Variants in PCDHGB4 observed in about 807,000 individuals in gnomAD.
PCDHGB4 encodes the protein protocadherin gamma subfamily B, 4.
PCDHGB4 carries 38 observed loss-of-function variants against 60.5 expected under a neutral mutation model. The ratio of observed to expected loss-of-function variants is 0.63; its 90% CI spans 0.48 to 0.82. The LOEUF is 0.82. Among genes scored for constraint, PCDHGB4 ranks in the 40% least tolerant of loss-of-function variants. PCDHGB4 has a pLI of 0.00. For synonymous variants in PCDHGB4, 456 were observed against 509.7 expected (o/e 0.89, Z 1.42); for missense variants, 1,109 against 1,209.6 (o/e 0.92, Z 1.23).
intron 1 of PCDHGB4, among the ~76,000 whole-genome samples, chr5:141,453,823 G>A (rs2154564414): frequency 6.6e-6 from 1 of 152,250 alleles, no homozygotes; most frequent in South Asian, 2.1e-4. Flanking sequence ...GACAAACTTG[G>A]CTGCTAGCCC....
rs776004958 is a variant in PCDHGB4 at position 141,410,344 on chromosome 5, C to T, written c.2397+20063C>T. 6 of 1,614,006 alleles carry T rather than the reference C, an allele frequency of 3.7e-6. No individual in the cohort carries two copies. In the South Asian group the frequency reaches 6.6e-5, roughly 18 times the overall value. On this transcript the variant is annotated intron_variant, in intron 1 of 3. Transcript: ENST00000519479. ...CCGTGATTCTGGCCATTGCCTTGCG[C>T]CTGCGACGCTCTCTCAGCCCTGCTA...
intron 1 of PCDHGB4, among the ~76,000 whole-genome samples, chr5:141,443,122 A>C (rs1239492679): frequency 6.6e-6 from 1 of 152,138 alleles, no homozygotes; most frequent in East Asian, 1.9e-4. Flanking sequence ...TTCAAACCAG[A>C]TTAAGAACAC....
chr5:141,479,731 G>C (rs1176632022), intron 1 of PCDHGB4: 1 of 152,216 alleles, frequency 6.6e-6, no homozygotes, highest in East Asian at 1.9e-4. Context: ...TTTTTCTTAA[G>C]TATATGCACA....
Position 141,486,552 on chromosome 5 carries a change from A to G in PCDHGB4, c.2398-8255A>G. On this transcript the variant is annotated intron_variant, in intron 1 of 3. Coordinates refer to ENST00000519479, the MANE Select transcript of PCDHGB4 (RefSeq NM_003736.4). This position sits in a 1 kb window ranked among gnomAD's most constrained non-coding sequence, Gnocchi z 5.0. ...CCACCCTCTTTCTTTCAGAGGTCAC[A>G]TGAGGTGTTTGTTCCTGAGAACAAT... is the stretch of plus-strand genomic sequence containing the variant. 1 of 1,614,136 alleles carries G rather than the reference A, an allele frequency of 6.2e-7. No homozygotes were observed. The highest frequency in any genetic ancestry group is 2.2e-5 in the East Asian group (1 of 44,882).
At chr5:141,444,774 AT>A (rs2098446962) in intron 1 of PCDHGB4, among the ~76,000 whole-genome samples, 1 of 152,018 alleles carries the variant, frequency 6.6e-6, no homozygotes, top group Non-Finnish European at 1.5e-5. Context: ...TATATTCTTG[AT>A]CATGTTTCAT....
chr5:141,404,029 C>T (rs1363448), intron 1 of PCDHGB4: 736,203 of 1,612,620 alleles, frequency 0.46, 175,243 homozygotes, highest in African/African-American at 0.8. Flanking sequence ...TGAGAGAAGA[C>T]GCACCTCAGG....
intron 1 of PCDHGB4, chr5:141,410,715 G>A: frequency 1.4e-6 from 2 of 1,422,782 alleles, no homozygotes; most frequent in Non-Finnish European, 1.9e-6. Context: ...AGAATCATAT[G>A]TTTAAAATCC....
chr5:141,398,813 G>A (rs779872602), intron 1 of PCDHGB4: 11 of 1,613,838 alleles, frequency 6.8e-6, no homozygotes, highest in Admixed American at 3.3e-5. Flanking sequence ...ACTGAGCTCC[G>A]GATCCAGGTA....
chr5:141,503,598 CAAAAAAAAAA>C (rs765754054), intron 2 of PCDHGB4, among the ~76,000 whole-genome samples: 1 of 65,762 alleles, frequency 1.5e-5, no homozygotes. Context: ...GACTCCAGCT[CAAAAAAAAAA>C]AAAAAAGAAA....
rs1403789987 is a variant in PCDHGB4 at position 141,511,845 on chromosome 5, T to C, written c.*672T>C. The C allele has an allele frequency of 6.4e-6, 1 of 156,740 alleles. No individual in the cohort carries two copies. The highest frequency in any genetic ancestry group is 1.4e-5 in the Non-Finnish European group (1 of 70,694). 9.7% of individuals were successfully genotyped at this position (156,740 alleles called of 1,614,324 possible). A position where few individuals can be genotyped will look rare whatever the true frequency, so the allele number is the denominator to read the frequency against. On this transcript the variant is annotated 3_prime_UTR_variant, in exon 4 of 4. Transcript: ENST00000519479. ...AACGCCCTGGGGACCAGTCTTCTGT[T>C]TTGTTTTTCATTGTTTGACGTTTCC...
Position 141,491,547 on chromosome 5 carries a change from G to A in PCDHGB4, c.2398-3260G>A. On this transcript the variant is annotated intron_variant, in intron 1 of 3. Transcript: ENST00000519479. This position sits in a 1 kb window ranked among gnomAD's most constrained non-coding sequence, Gnocchi z 6.9. ...AGGTGACGCTGCGGCCCACAGACTC[G>A]CAGAGCCACTGCTACAGGACGTGCT... is the stretch of plus-strand genomic sequence containing the variant. The A allele has an allele frequency of 4.3e-6, 7 of 1,613,974 alleles. No individual in the cohort carries two copies. The highest frequency in any genetic ancestry group is 5.9e-6 in the Non-Finnish European group (7 of 1,180,022).
chr5:141,475,921 A>T, intron 1 of PCDHGB4: 1 of 604,938 alleles, frequency 1.7e-6, no homozygotes, highest in Non-Finnish European at 2.8e-6. Flanking sequence ...AAGACGCTGG[A>T]GATCGGGCCC....
chr5:141,395,589 T>C (rs1254958503), intron 1 of PCDHGB4: 2 of 194,644 alleles, frequency 1.0e-5, no homozygotes, highest in Admixed American at 1.2e-4. Context: ...TGTGTGTGTG[T>C]GTATCCCAAA....
rs902072815 is a variant in PCDHGB4, at chr5:141,495,024, C to A, written c.2456+159C>A. On this transcript the variant is annotated intron_variant, in intron 2 of 3. Coordinates refer to ENST00000519479, the MANE Select transcript of PCDHGB4 (RefSeq NM_003736.4). ...GGTGTGCGGGGGGCTGGCACACAGACCCCGGAAGGAAGAGGCGACTGCCCT... is the reference window on the plus strand; with the variant it reads ...GGTGTGCGGGGGGCTGGCACACAGAACCCGGAAGGAAGAGGCGACTGCCCT... The A allele has an allele frequency of 1.6e-5, 16 of 973,368 alleles. No homozygotes were observed. In the South Asian group the frequency reaches 5.7e-4, roughly 35 times the overall value. The allele number at this position is 973,368 out of a possible 1,614,324, so 60.3% of individuals were successfully genotyped here. A position where few individuals can be genotyped will look rare whatever the true frequency, so the allele number is the denominator to read the frequency against.
chr5:141,417,969 T>G, intron 1 of PCDHGB4: 1 of 1,613,768 alleles, frequency 6.2e-7, no homozygotes, highest in Non-Finnish European at 8.5e-7. Flanking sequence ...CGCTACTCGA[T>G]TCCGGAGGAG....
Position 141,489,515 on chromosome 5 carries a change from G to C in PCDHGB4, c.2398-5292G>C, listed in dbSNP as rs983415025. On this transcript the variant is annotated intron_variant, in intron 1 of 3. Coordinates refer to ENST00000519479, the MANE Select transcript of PCDHGB4 (RefSeq NM_003736.4). The surrounding 1 kb of genome is among the most constrained non-coding windows in gnomAD (Gnocchi z 4.5). ...CTGGCAGTGAATCAAAAGATTGACC[G>C]AGAAAGCCTATGTGGAGCCAGCACC... 1 of 1,614,104 alleles carries C rather than the reference G, an allele frequency of 6.2e-7. No individual in the cohort carries two copies. The highest frequency in any genetic ancestry group is 8.5e-7 in the Non-Finnish European group (1 of 1,180,034).
intron 1 of PCDHGB4, chr5:141,399,082 G>A: frequency 6.2e-7 from 1 of 1,613,822 alleles, no homozygotes; most frequent in East Asian, 2.2e-5. Flanking sequence ...AGAAGGGAGG[G>A]ATGGTGGTGG....
chr5:141,500,184 T>TTTTATTTA (rs58019021), intron 2 of PCDHGB4, among the ~76,000 whole-genome samples: 1,392 of 135,954 alleles, frequency 0.01, 12 homozygotes, highest in South Asian at 0.02. Flanking sequence ...TCATTTTTAT[T>TTTTATTTA]TTTATTTATT....
intron 1 of PCDHGB4, among the ~76,000 whole-genome samples, chr5:141,454,831 A>C (rs1489772379): frequency 1.3e-5 from 1 of 78,366 alleles, no homozygotes; most frequent in African/African-American, 6.7e-5. Context: ...TTTTTGAGAC[A>C]GAGTCGCGCT....
Sources: allele counts gnomAD v4.1 joint callset (sites outside exome capture counted in the v4.1 genomes callset), GRCh38; gene constraint gnomAD v4.1.1; non-coding constraint Gnocchi (gnomAD v3.1); transcripts MANE v1.5; gene names NCBI Gene and HGNC (gene_info 2026-07-23, HGNC 2026-07-21).